The following RERE variants were observed in gnomAD, a reference collection of about 807,000 sequenced individuals.
RERE encodes the protein arginine-glutamic acid dipeptide repeats.
A neutral mutation model predicts 146.1 loss-of-function variants in RERE; 40 were observed. The observed-to-expected ratio is 0.27, with a 90% CI of 0.21 to 0.36. The LOEUF (loss-of-function observed/expected upper bound fraction) is 0.36. RERE is among the 10% of genes least tolerant of loss of function. The pLI is 1.00. For synonymous variants in RERE, 1,003 were observed against 866.0 expected (o/e 1.16, Z -2.78); for missense variants, 1,933 against 2,138.7 (o/e 0.90, Z 1.90).
Position 8,710,514 on chromosome 1 carries a change from ATTTG to A in RERE, c.-144-54077_-144-54074del, listed in dbSNP as rs201416272. 5.2e-3 allele frequency among the ~76,000 whole-genome samples: 797 copies of A among 152,184 alleles called. 7 individuals carry two copies. Among genetic ancestry groups the A allele is most frequent in the African/African-American group, 0.016 (681 of 41,520 alleles). On this transcript the variant is annotated intron_variant, in intron 1 of 22. Coordinates refer to ENST00000400908, the MANE Select transcript of RERE (RefSeq NM_001042681.2). ...TTCCAACATAGTCCCAAACATAGAT[ATTTG>A]TTTGTTTGTTTGTTTTTTGAGACGG...
chr1:8,354,108 T>C lies in RERE; in HGVS notation c.*979A>G, dbSNP rs1271727476. 5 of 152,612 alleles carry C rather than the reference T, an allele frequency of 3.3e-5. No homozygotes were observed. Among genetic ancestry groups the C allele is most frequent in the African/African-American group, 1.2e-4 (5 of 41,576 alleles). The allele number at this position is 152,612 out of a possible 1,614,324, so 9.5% of individuals were successfully genotyped here. A position where few individuals can be genotyped will look rare whatever the true frequency, so the allele number is the denominator to read the frequency against. On this transcript the variant is annotated 3_prime_UTR_variant, in exon 23 of 23. Transcript: ENST00000400908. ...GTACACAGAAATCTAGAAGGAAATC[T>C]ACAATGGACACAGGCCCATGCGCTT...
In RERE at chr1:8,364,774, C is replaced by G; in HGVS notation, c.1512G>C (p.Gly504=). 6.2e-7 allele frequency: 1 copy of G among 1,613,952 alleles called. No homozygotes were observed. Among genetic ancestry groups the G allele is most frequent in the East Asian group, 2.2e-5 (1 of 44,862 alleles). The change falls in exon 14 of 23, where the codon GGG becomes GGC. Residue 504 remains glycine, a synonymous_variant. Transcript: ENST00000400908. The surrounding 1 kb of genome is among the most constrained non-coding windows in gnomAD (Gnocchi z 5.1). The part of the protein sequence containing the change: ...DSEDSEQELK[G]YACRHCFTTT... ...TGGTGAAGCAGTGGCGGCAGGCGTA[C>G]CCCTTCAGCTCCTGCTCACTGTCCT...
chr1:8,377,401 C>T (rs1444749618), intron 12 of RERE, among the ~76,000 whole-genome samples: 17 of 152,116 alleles, frequency 1.1e-4, no homozygotes, highest in African/African-American at 2.9e-4. Flanking sequence ...CTTGTTTTCT[C>T]GGTAGAGCCT....
chr1:8,601,331 T>C (rs1276565599), intron 4 of RERE, among the ~76,000 whole-genome samples: 1 of 152,078 alleles, frequency 6.6e-6, no homozygotes, highest in Non-Finnish European at 1.5e-5. Context: ...CCAATACTTT[T>C]TAATTCAAGT....
intron 3 of RERE, among the ~76,000 whole-genome samples, chr1:8,616,969 A>G (rs1646859635): frequency 6.6e-6 from 1 of 152,180 alleles, no homozygotes. Context: ...AAAACTTTCA[A>G]CACCATTACT....
At chr1:8,666,478 A>G (rs1042191735) in intron 1 of RERE, among the ~76,000 whole-genome samples, 3 of 152,178 alleles carry the variant, frequency 2.0e-5, no homozygotes, top group Non-Finnish European at 4.4e-5. Flanking sequence ...AAAACCAAAC[A>G]GGCACCCTAC....
At chr1:8,683,537 A>C (rs1639021237) in intron 1 of RERE, among the ~76,000 whole-genome samples, 1 of 152,196 alleles carries the variant, frequency 6.6e-6, no homozygotes, top group African/African-American at 2.4e-5. Context: ...TGTTCCCCAC[A>C]GTTACTGGTG....
chr1:8,516,226 G>GGGAAAAAAAAAAAAAAAAAAAAAAAA (rs1645413294), intron 7 of RERE, among the ~76,000 whole-genome samples: 1 of 5,154 alleles, frequency 1.9e-4, no homozygotes, highest in African/African-American at 2.7e-3. Flanking sequence ...CTCTCTCAGA[G>GGGAAAAAAAAAAAAAAAAAAAAAAAA]GAAAAAAAAA....
At chr1:8,384,889 C>A (rs1044270133) in intron 12 of RERE, among the ~76,000 whole-genome samples, 2 of 152,234 alleles carry the variant, frequency 1.3e-5, no homozygotes, top group African/African-American at 4.8e-5. Context: ...ACATGCCAGT[C>A]ATGGGCACAG....
chr1:8,739,752 C>T (rs10864365), intron 1 of RERE, among the ~76,000 whole-genome samples: 4,197 of 152,072 alleles, frequency 0.028, 71 homozygotes, highest in Middle Eastern at 0.078. Flanking sequence ...GTCATCAAGT[C>T]CCACAGGTCC....
intron 12 of RERE, among the ~76,000 whole-genome samples, chr1:8,405,041 G>A (rs1185005529): frequency 2.6e-5 from 4 of 152,214 alleles, no homozygotes; most frequent in South Asian, 2.1e-4. Context: ...GAGGGTGAGG[G>A]AGTGGCAGAG....
intron 1 of RERE, among the ~76,000 whole-genome samples, chr1:8,720,609 G>A (rs1161131898): frequency 1.3e-5 from 2 of 152,170 alleles, no homozygotes; most frequent in Non-Finnish European, 2.9e-5. Context: ...TGAGGGTGGA[G>A]GGTGCCGGCA....
intron 2 of RERE, among the ~76,000 whole-genome samples, chr1:8,642,181 T>C (rs1175885572): frequency 6.6e-6 from 1 of 152,230 alleles, no homozygotes; most frequent in Non-Finnish European, 1.5e-5. Flanking sequence ...ACAAGGATTT[T>C]AATATAGGAC....
At chr1:8,510,960 GC>G (rs1250025953) in intron 7 of RERE, among the ~76,000 whole-genome samples, 1 of 151,982 alleles carries the variant, frequency 6.6e-6, no homozygotes, top group Non-Finnish European at 1.5e-5. Context: ...TTGCTATGTT[GC>G]CCGGTCTGTT....
chr1:8,394,676 A>G (rs967749890), intron 12 of RERE, among the ~76,000 whole-genome samples: 5 of 152,210 alleles, frequency 3.3e-5, no homozygotes, highest in African/African-American at 1.2e-4. Flanking sequence ...GTGACAAATC[A>G]TAAGGTCTGA....
chr1:8,621,815 G>C lies in RERE; in HGVS notation c.396+2495C>G, dbSNP rs766981944. ...CTTCTGCTCATCTTTTACCCTTATA[G>C]CTTCAGTAAACTGAAGGAGAAAAAA... On this transcript the variant is annotated intron_variant, in intron 3 of 22. Transcript: ENST00000400908. Among the ~76,000 whole-genome samples, 46 of 152,048 alleles carry C rather than the reference G, an allele frequency of 3.0e-4. 1 individual carries two copies. The highest frequency in any genetic ancestry group is 7.2e-4 in the Admixed American group (11 of 15,260).
At chr1:8,681,327 A>G (rs1050076672) in intron 1 of RERE, among the ~76,000 whole-genome samples, 3 of 152,140 alleles carry the variant, frequency 2.0e-5, no homozygotes, top group Admixed American at 1.3e-4. Flanking sequence ...ATAACCGGGG[A>G]GTCTTTCTCT....
At chr1:8,510,583 C>T (rs1645321805) in intron 7 of RERE, among the ~76,000 whole-genome samples, 1 of 152,232 alleles carries the variant, frequency 6.6e-6, no homozygotes, top group Non-Finnish European at 1.5e-5. Context: ...ATTTTAATCA[C>T]AAGCGCTTCT....
intron 1 of RERE, among the ~76,000 whole-genome samples, chr1:8,747,776 G>A (rs1248144944): frequency 6.6e-6 from 1 of 151,904 alleles, no homozygotes; most frequent in Non-Finnish European, 1.5e-5. Flanking sequence ...GATAATAAGA[G>A]AGTAGGTATA....
Sources: allele counts gnomAD v4.1 joint callset (sites outside exome capture counted in the v4.1 genomes callset), GRCh38; gene constraint gnomAD v4.1.1; non-coding constraint Gnocchi (gnomAD v3.1); transcripts MANE v1.5; gene names NCBI Gene and HGNC (gene_info 2026-07-23, HGNC 2026-07-21).